FGGY: variants seen among roughly 807,000 people sequenced by gnomAD.
FGGY encodes the protein FGGY carbohydrate kinase domain-containing protein.
In FGGY, 72 loss-of-function variants were observed where a neutral mutation model predicts 71.3. The observed-to-expected ratio is 1.01, with a 90% CI of 0.84 to 1.23. The LOEUF is 1.23. FGGY is among the 50% of genes most tolerant of loss of function. The probability of loss-of-function intolerance (pLI) is 0.00; values close to 1 mark genes in which losing one functional copy is unlikely to be tolerated. For synonymous variants in FGGY, 251 were observed against 250.3 expected, an observed-to-expected ratio of 1.00 and a Z score of -0.02; for missense variants, 668 against 682.3, an observed-to-expected ratio of 0.98 and a Z score of 0.23.
At chr1:59,473,143 G>A (rs1178659367) in intron 6 of FGGY, among the ~76,000 whole-genome samples, 1 of 152,098 alleles carries the variant, frequency 6.6e-6, no homozygotes, top group Non-Finnish European at 1.5e-5. Flanking sequence ...AATAAATCTT[G>A]CTGCTGCTCA....
At position 59,638,369 on chromosome 1, in the gene FGGY, G is replaced by C. The variant is rs772418606; in HGVS notation, c.1215G>C (p.Lys405Asn). 1 of 1,614,206 alleles carries C rather than the reference G, an allele frequency of 6.2e-7. No homozygotes were observed. Among genetic ancestry groups the C allele is most frequent in the South Asian group, 1.1e-5 (1 of 91,084 alleles). ...NRSPLADLTL[K>N]GMVTGLKLSQ... The stretch of plus-strand genomic sequence containing the variant: ...CTCCCTTAGCAGATCTGACACTAAA[G>C]GGCATGGTAAGTAACAGCTAGTCCT... The change falls in exon 11 of 16, where the codon AAG becomes AAC. Residue 405 changes from lysine to asparagine, a missense_variant. Physicochemically the swap from Lys to Asn is moderately conservative, Grantham distance 94. This residue lies in a region of FGGY where 661 missense variants were observed against 661.6 expected (regional missense o/e 1.00). Transcript: ENST00000303721.
At chr1:59,691,243 A>G (rs2097584155) in intron 14 of FGGY, among the ~76,000 whole-genome samples, 2 of 152,230 alleles carry the variant, frequency 1.3e-5, no homozygotes. Flanking sequence ...TAATAATGAT[A>G]CTTAATAATT....
Position 59,635,661 on chromosome 1 carries a change from G to A in FGGY, c.1074-2567G>A, listed in dbSNP as rs190772247. Among the ~76,000 whole-genome samples, 9 of 152,232 alleles carry A rather than the reference G, an allele frequency of 5.9e-5. No homozygotes were observed. In the East Asian group the frequency reaches 1.7e-3, roughly 29 times the overall value. ...TCTGGCTAGAAAAGATGTTCTCAAG[G>A]CTTTTCTTGTGAATGTGATTCCTGT... On this transcript the variant is annotated intron_variant, in intron 10 of 15. Coordinates refer to ENST00000303721, the MANE Select transcript of FGGY (RefSeq NM_018291.5).
At chr1:59,468,955 G>C (rs1356059148) in intron 6 of FGGY, among the ~76,000 whole-genome samples, 1 of 151,266 alleles carries the variant, frequency 6.6e-6, no homozygotes, top group Non-Finnish European at 1.5e-5. Context: ...CCAGTGAACA[G>C]AGCCACCTCA....
At chr1:59,745,882 A>G (rs1441583459) in intron 14 of FGGY, among the ~76,000 whole-genome samples, 1 of 152,214 alleles carries the variant, frequency 6.6e-6, no homozygotes, top group Admixed American at 6.5e-5. Flanking sequence ...AGAGTACATG[A>G]GAGAATTGGA....
chr1:59,747,371 TAA>T (rs966805086), intron 14 of FGGY, among the ~76,000 whole-genome samples: 1 of 152,172 alleles, frequency 6.6e-6, no homozygotes, highest in Admixed American at 6.5e-5. Flanking sequence ...TTACCTAGTA[TAA>T]AACCACTCCC....
At chr1:59,699,973 A>T (rs546990731) in intron 14 of FGGY, among the ~76,000 whole-genome samples, 52 of 152,274 alleles carry the variant, frequency 3.4e-4, no homozygotes, top group African/African-American at 1.3e-3. Context: ...CTCTCCACTG[A>T]TATCATTATT....
chr1:59,400,952 T>C (rs2061886028), intron 5 of FGGY, among the ~76,000 whole-genome samples: 1 of 151,994 alleles, frequency 6.6e-6, no homozygotes, highest in African/African-American at 2.4e-5. Flanking sequence ...TAATTCTTAA[T>C]TATTATTTTA....
rs374616935 is a variant in FGGY at position 59,745,253 on chromosome 1, G to A, written c.1513-12678G>A. ...ATATCTAGGCCCCACTACCAAAATG[G>A]CTCTCGCTTAGAAGAATTGGAGATC... On this transcript the variant is annotated intron_variant, in intron 14 of 15. Coordinates refer to ENST00000303721, the MANE Select transcript of FGGY (RefSeq NM_018291.5). Among the ~76,000 whole-genome samples the A allele has an allele frequency of 1.5e-4, 23 of 152,246 alleles. 1 individual carries two copies. The highest frequency in any genetic ancestry group is 7.7e-4 in the East Asian group (4 of 5,184).
At chr1:59,449,589 C>G (rs2072182123) in intron 5 of FGGY, among the ~76,000 whole-genome samples, 1 of 152,144 alleles carries the variant, frequency 6.6e-6, no homozygotes, top group Admixed American at 6.5e-5. Flanking sequence ...AGCCTGCATG[C>G]CATATTTTTG....
intron 10 of FGGY, among the ~76,000 whole-genome samples, chr1:59,627,270 T>C (rs2096865805): frequency 1.3e-5 from 2 of 151,840 alleles, no homozygotes; most frequent in African/African-American, 4.8e-5. Flanking sequence ...ATAAATATTA[T>C]ACTCTAATTG....
chr1:59,588,891 A>G (rs976543227), intron 8 of FGGY, among the ~76,000 whole-genome samples: 2 of 152,238 alleles, frequency 1.3e-5, no homozygotes, highest in Non-Finnish European at 2.9e-5. Context: ...CTAACGAGCA[A>G]TATAACCAGC....
At chr1:59,467,906 G>GT (rs1158008991) in intron 6 of FGGY, among the ~76,000 whole-genome samples, 3 of 127,618 alleles carry the variant, frequency 2.4e-5, no homozygotes, top group Non-Finnish European at 5.5e-5. Flanking sequence ...GTTTTGTTTT[G>GT]TTTTGTTTTT....
At chr1:59,581,304 C>T (rs1456480613) in intron 8 of FGGY, among the ~76,000 whole-genome samples, 1 of 149,748 alleles carries the variant, frequency 6.7e-6, no homozygotes, top group Non-Finnish European at 1.5e-5. Flanking sequence ...AATCAGGATC[C>T]CTAGTTGAGA....
chr1:59,452,417 G>A (rs938070104), intron 5 of FGGY, among the ~76,000 whole-genome samples: 9 of 151,978 alleles, frequency 5.9e-5, no homozygotes, highest in African/African-American at 2.2e-4. Context: ...AATTTTAAAC[G>A]TAAAATCAGT....
intron 14 of FGGY, among the ~76,000 whole-genome samples, chr1:59,734,478 A>G (rs971921210): frequency 6.6e-6 from 1 of 152,224 alleles, no homozygotes; most frequent in Non-Finnish European, 1.5e-5. Context: ...TTCTGGGATT[A>G]CAGGCGTGAG....
At chr1:59,746,531 A>G (rs926724089) in intron 14 of FGGY, among the ~76,000 whole-genome samples, 3 of 152,190 alleles carry the variant, frequency 2.0e-5, no homozygotes, top group African/African-American at 7.2e-5. Context: ...TGTGTCGCCC[A>G]GGCTGGAGAG....
intron 7 of FGGY, among the ~76,000 whole-genome samples, chr1:59,539,690 A>T (rs919961351): frequency 1.3e-5 from 2 of 152,214 alleles, no homozygotes; most frequent in African/African-American, 4.8e-5. Flanking sequence ...TGAGATAGAC[A>T]ATTTTCCTAA....
At chr1:59,700,098 C>T (rs569859715) in intron 14 of FGGY, among the ~76,000 whole-genome samples, 6 of 152,176 alleles carry the variant, frequency 3.9e-5, no homozygotes, top group African/African-American at 1.2e-4. Flanking sequence ...TAAAATTCTT[C>T]GATTATATAA....
Sources: allele counts gnomAD v4.1 joint callset (sites outside exome capture counted in the v4.1 genomes callset), GRCh38; gene constraint gnomAD v4.1.1; regional missense constraint gnomAD v4.1.1; transcripts MANE v1.5; gene names NCBI Gene and HGNC (gene_info 2026-07-23, HGNC 2026-07-21).